Variants in CGGBP1 observed in about 807,000 individuals in gnomAD.
CGGBP1 encodes CGG triplet repeat binding protein 1.
In CGGBP1, 4 loss-of-function variants were observed where a neutral mutation model predicts 11.4. The ratio of observed to expected loss-of-function variants is 0.35; its 90% CI spans 0.17 to 0.80. The LOEUF is 0.80. Among genes scored for constraint, CGGBP1 ranks in the 30% least tolerant of loss-of-function variants. The pLI, the probability that CGGBP1 is intolerant of heterozygous loss-of-function variation, is 0.52. For synonymous variants in CGGBP1, 76 were observed against 74.1 expected, an observed-to-expected ratio of 1.03 and a Z score of -0.13; for missense variants, 135 against 202.1, an observed-to-expected ratio of 0.67 and a Z score of 2.01.
intron 2 of CGGBP1, among the ~76,000 whole-genome samples, chr3:88,079,613 T>A (rs1440377819): frequency 6.6e-6 from 1 of 152,028 alleles, no homozygotes; most frequent in Non-Finnish European, 1.5e-5. Context: ...GTTAACTCTC[T>A]GGGAGTGATA....
At chr3:88,102,883 G>A (rs1255041861) in intron 2 of CGGBP1, among the ~76,000 whole-genome samples, 2 of 134,396 alleles carry the variant, frequency 1.5e-5, no homozygotes, top group African/African-American at 2.8e-5. Flanking sequence ...ATGTATGCCA[G>A]TTTGTTGCAT....
chr3:88,055,493 G>A lies in CGGBP1; in HGVS notation c.484C>T (p.Leu162Phe), dbSNP rs763151271. 1 of 1,524,324 alleles carries A rather than the reference G, an allele frequency of 6.6e-7. No individual in the cohort carries two copies. Among genetic ancestry groups the A allele is most frequent in the Non-Finnish European group, 8.8e-7 (1 of 1,135,588 alleles). 94.4% of individuals were successfully genotyped at this position (1,524,324 alleles called of 1,614,324 possible). The change falls in exon 4 of 4, where the codon CTC becomes TTC. Residue 162 changes from leucine (L) to phenylalanine (F), a missense_variant. Transcript: ENST00000482016. This position sits in a 1 kb window ranked among gnomAD's most constrained non-coding sequence, Gnocchi z 4.2. The part of the protein sequence containing the change: ...PDGYENENQL[L>F]NSQDC ...CCTAGTCAACAATCTTGTGAGTTGA[G>A]GAGTTGATTCTCATTCTCATATCCA... is the stretch of plus-strand genomic sequence containing the variant.
rs935949627 is a variant in CGGBP1, at chr3:88,054,976, AG to A, written c.*496del. 6.8e-6 allele frequency: 1 copy of A among 147,836 alleles called. No homozygotes were observed. Among genetic ancestry groups the A allele is most frequent in the African/African-American group, 2.5e-5 (1 of 40,312 alleles). 9.2% of individuals were successfully genotyped at this position (147,836 alleles called of 1,614,324 possible). On this transcript the variant is annotated 3_prime_UTR_variant, in exon 4 of 4. Coordinates refer to ENST00000482016, the MANE Select transcript of CGGBP1 (RefSeq NM_001008390.2). ...TTTGAAATAAACAGTCATTTCTGCT[AG>A]GGATCTGAAGATATAAGAACAGTTT...
At chr3:88,140,156 G>C (rs780101740) in intron 2 of CGGBP1, 2 of 1,613,166 alleles carry the variant, frequency 1.2e-6, no homozygotes, top group African/African-American at 1.3e-5. Context: ...TTAAGCTGCC[G>C]TTCCAGCTTG....
chr3:88,089,728 A>G (rs1364005288), intron 2 of CGGBP1, among the ~76,000 whole-genome samples: 4 of 152,196 alleles, frequency 2.6e-5, no homozygotes, highest in Non-Finnish European at 5.9e-5. Context: ...TCTGCCTACT[A>G]CAGATCCCAA....
At chr3:88,123,771 C>T (rs1310594167) in intron 2 of CGGBP1, among the ~76,000 whole-genome samples, 2 of 152,152 alleles carry the variant, frequency 1.3e-5, no homozygotes, top group Admixed American at 1.3e-4. Context: ...CAGAACTAAG[C>T]TCACCAATGA....
rs779362066 is a variant in CGGBP1 at position 88,053,786 on chromosome 3, T to C, written c.*1687A>G. Reference sequence around the variant, plus strand: ...AGAGGAAGTAAACGCAAAACACATATGGTTATGTTTTGCTGCTGGTCTCCT... The same window carrying C: ...AGAGGAAGTAAACGCAAAACACATACGGTTATGTTTTGCTGCTGGTCTCCT... On this transcript the variant is annotated 3_prime_UTR_variant, in exon 4 of 4. Transcript: ENST00000482016. The C allele has an allele frequency of 2.0e-5, 3 of 152,730 alleles. No homozygotes were observed. The highest frequency in any genetic ancestry group is 3.4e-3 in the Middle Eastern group (1 of 294). 9.5% of individuals were successfully genotyped at this position (152,730 alleles called of 1,614,324 possible).
At chr3:88,073,695 G>T (rs925721125) in intron 2 of CGGBP1, among the ~76,000 whole-genome samples, 10 of 152,146 alleles carry the variant, frequency 6.6e-5, no homozygotes, top group Non-Finnish European at 8.8e-5. Context: ...AATAATTAAG[G>T]TATCTAAATG....
At chr3:88,064,195 C>T (rs1014882683) in intron 2 of CGGBP1, among the ~76,000 whole-genome samples, 30 of 151,454 alleles carry the variant, frequency 2.0e-4, no homozygotes, top group Middle Eastern at 3.2e-3. Flanking sequence ...TCTCCAGAGG[C>T]TATCACTGGC....
At chr3:88,142,750 G>A (rs1707192883) in intron 1 of CGGBP1, 1 of 151,990 alleles carries the variant, frequency 6.6e-6, no homozygotes, top group African/African-American at 2.4e-5. Flanking sequence ...TGATGACTCT[G>A]GTCTGAACAG....
At chr3:88,085,299 AGTT>A (rs1708282885) in intron 2 of CGGBP1, among the ~76,000 whole-genome samples, 1 of 152,228 alleles carries the variant, frequency 6.6e-6, no homozygotes. Context: ...TACTGAACTC[AGTT>A]GTTGTAGCAG....
At chr3:88,083,160 C>G (rs1453237365) in intron 2 of CGGBP1, among the ~76,000 whole-genome samples, 3 of 152,082 alleles carry the variant, frequency 2.0e-5, no homozygotes, top group Non-Finnish European at 4.4e-5. Flanking sequence ...TCCTCAAAGC[C>G]CTGTCTTCAA....
At chr3:88,117,740 T>C (rs750415278) in intron 2 of CGGBP1, among the ~76,000 whole-genome samples, 50 of 152,262 alleles carry the variant, frequency 3.3e-4, no homozygotes, top group Non-Finnish European at 6.3e-4. Flanking sequence ...CAGATTATGG[T>C]ATTGATTGGA....
chr3:88,136,930 T>TA (rs1318318440), intron 2 of CGGBP1, among the ~76,000 whole-genome samples: 1 of 152,056 alleles, frequency 6.6e-6, no homozygotes, highest in African/African-American at 2.4e-5. Flanking sequence ...CGCGATGGCT[T>TA]ACACCAGTAA....
chr3:88,065,723 A>T (rs901954853), intron 2 of CGGBP1, among the ~76,000 whole-genome samples: 4 of 151,868 alleles, frequency 2.6e-5, no homozygotes, highest in African/African-American at 9.7e-5. Context: ...CAGATTGTTT[A>T]TTATTATTAT....
chr3:88,066,828 A>G (rs1484000861), intron 2 of CGGBP1, among the ~76,000 whole-genome samples: 1 of 152,244 alleles, frequency 6.6e-6, no homozygotes, highest in Non-Finnish European at 1.5e-5. Flanking sequence ...CGAAACCTGT[A>G]GTAAAATATG....
chr3:88,140,051 G>T, intron 2 of CGGBP1: 1 of 1,613,672 alleles, frequency 6.2e-7, no homozygotes, highest in Non-Finnish European at 8.5e-7. Context: ...TTTGTCAAAG[G>T]CAATTTGAAG....
chr3:88,080,861 C>A (rs1200918377), intron 2 of CGGBP1, among the ~76,000 whole-genome samples: 2 of 152,164 alleles, frequency 1.3e-5, no homozygotes, highest in African/African-American at 4.8e-5. Context: ...TTTAGACTTA[C>A]AGAATGCAGT....
At chr3:88,080,974 T>C (rs1708045939) in intron 2 of CGGBP1, among the ~76,000 whole-genome samples, 1 of 152,230 alleles carries the variant, frequency 6.6e-6, no homozygotes, top group Non-Finnish European at 1.5e-5. Context: ...CAGGATGTTA[T>C]CCGTGATCTC....
Sources: gnomAD v4.1 joint callset for allele counts (sites outside exome capture counted in the v4.1 genomes callset) on GRCh38, gnomAD v4.1.1 for gene constraint, Gnocchi (gnomAD v3.1) non-coding constraint, MANE v1.5 for transcripts, NCBI Gene and HGNC (gene_info 2026-07-23, HGNC 2026-07-21) for gene names.